CATSPERE: variants seen among roughly 807,000 people sequenced by gnomAD.
CATSPERE encodes the protein cation channel sperm-associated auxiliary subunit epsilon.
A neutral mutation model predicts 114.1 loss-of-function variants in CATSPERE; 93 were observed. That is an observed-to-expected ratio of 0.81 (90% confidence interval 0.69 to 0.97). The LOEUF (loss-of-function observed/expected upper bound fraction) is 0.97, where lower values mean the gene tolerates loss of function less well. CATSPERE is among the 50% of genes least tolerant of loss of function. The pLI is 0.00. For missense variants in CATSPERE, 1,058 were observed against 1,131.6 expected, an observed-to-expected ratio of 0.93 and a Z score of 0.93; for synonymous variants, 341 against 384.1, an observed-to-expected ratio of 0.89 and a Z score of 1.31.
At chr1:244,627,016 T>C (rs1005670501) in intron 20 of CATSPERE, among the ~76,000 whole-genome samples, 1 of 152,242 alleles carries the variant, frequency 6.6e-6, no homozygotes, top group African/African-American at 2.4e-5. Flanking sequence ...TCACTAAGCT[T>C]AATCATTTCT....
chr1:244,526,899 GC>G (rs1392014098), intron 8 of CATSPERE, among the ~76,000 whole-genome samples: 1 of 152,036 alleles, frequency 6.6e-6, no homozygotes, highest in African/African-American at 2.4e-5. Context: ...GTTCCGTGAT[GC>G]CCCCCAAGCC....
intron 20 of CATSPERE, among the ~76,000 whole-genome samples, chr1:244,634,070 C>G (rs185646142): frequency 1.3e-5 from 2 of 152,084 alleles, no homozygotes; most frequent in East Asian, 3.9e-4. Flanking sequence ...CACCATGTTG[C>G]CCAGGCTGGT....
At position 244,581,874 on chromosome 1, in the gene CATSPERE, G is replaced by A. The variant is rs779674170; in HGVS notation, c.2009+20G>A. 1 of 1,165,324 alleles carries A rather than the reference G, an allele frequency of 8.6e-7. No homozygotes were observed. The highest frequency in any genetic ancestry group is 2.2e-5 in the Admixed American group (1 of 45,252). The allele number at this position is 1,165,324 out of a possible 1,614,324, so 72.2% of individuals were successfully genotyped here. Reference sequence around the variant, plus strand: ...GACACAGTAAGTATAACTTTTAAAAGAACTTTCTCAGTATCAAATATGCTA... The same window carrying A: ...GACACAGTAAGTATAACTTTTAAAAAAACTTTCTCAGTATCAAATATGCTA... On this transcript the variant is annotated intron_variant, in intron 12 of 21. Transcript: ENST00000366534.
rs766720123 is a variant in CATSPERE at position 244,572,791 on chromosome 1, TTTC to T, written c.1950+23_1950+25del. 2.7e-6 allele frequency: 4 copies of T among 1,479,584 alleles called. No homozygotes were observed. The highest frequency in any genetic ancestry group is 3.6e-6 in the Non-Finnish European group (4 of 1,096,970). 91.7% of individuals were successfully genotyped at this position (1,479,584 alleles called of 1,614,324 possible). A position where few individuals can be genotyped will look rare whatever the true frequency, so the allele number is the denominator to read the frequency against. The stretch of plus-strand genomic sequence containing the variant: ...AACTCTGGTAAGCTAATATTTTAAA[TTTC>T]TTCATTTGATTTTAATAAGTATAAA... On this transcript the variant is annotated intron_variant, in intron 11 of 21. Coordinates refer to ENST00000366534, the MANE Select transcript of CATSPERE (RefSeq NM_001130957.2).
chr1:244,632,046 T>G (rs948438353), intron 20 of CATSPERE, among the ~76,000 whole-genome samples: 1 of 151,034 alleles, frequency 6.6e-6, no homozygotes, highest in Non-Finnish European at 1.5e-5. Context: ...CTAGCCTGGG[T>G]GATAGAGTGA....
chr1:244,634,900 A>C (rs1558632630), intron 20 of CATSPERE, among the ~76,000 whole-genome samples: 1 of 152,202 alleles, frequency 6.6e-6, no homozygotes, highest in Non-Finnish European at 1.5e-5. Flanking sequence ...GCTGGAGTGC[A>C]GCGGCGCAAT....
chr1:244,461,781 T>G (rs1040020310), intron 1 of CATSPERE, among the ~76,000 whole-genome samples: 20 of 152,150 alleles, frequency 1.3e-4, no homozygotes, highest in African/African-American at 4.8e-4. Flanking sequence ...TGAGCCCCAA[T>G]GAAATCTTAC....
Position 244,572,696 on chromosome 1 carries a change from C to A in CATSPERE, c.1874C>A (p.Ser625Tyr), listed in dbSNP as rs146874470. ...ACTGGTCTGTATGTTATTGTGGAAT[C>A]TTATGGCCCAAAAATATTACAAGAG... Reference protein sequence around the residue: ...ENTGLYVIVESYGPKILQESH... With the variant: ...ENTGLYVIVEYYGPKILQESH... Residue 625 changes from serine (S) to tyrosine (Y), a missense_variant, in exon 11 of 22, where the codon TCT becomes TAT. Transcript: ENST00000366534. The A allele has an allele frequency of 1.1e-4, 171 of 1,613,678 alleles. No homozygotes were observed. Among genetic ancestry groups the A allele is most frequent in the Non-Finnish European group, 1.4e-4 (163 of 1,179,906 alleles).
chr1:244,473,683 C>T (rs1303230159), intron 2 of CATSPERE, among the ~76,000 whole-genome samples: 2 of 151,972 alleles, frequency 1.3e-5, no homozygotes, highest in Non-Finnish European at 2.9e-5. Flanking sequence ...TTGGCAAACC[C>T]AAAGTCACCG....
At chr1:244,487,366 C>G (rs1671267563) in intron 5 of CATSPERE, among the ~76,000 whole-genome samples, 1 of 152,102 alleles carries the variant, frequency 6.6e-6, no homozygotes, top group African/African-American at 2.4e-5. Flanking sequence ...ACACATCATG[C>G]CCAGCCAGTG....
intron 8 of CATSPERE, among the ~76,000 whole-genome samples, chr1:244,529,221 G>A (rs1382496496): frequency 6.6e-6 from 1 of 152,080 alleles, no homozygotes; most frequent in Non-Finnish European, 1.5e-5. Flanking sequence ...TCATATGGTA[G>A]TTCTATTTTT....
intron 2 of CATSPERE, among the ~76,000 whole-genome samples, chr1:244,471,854 T>C (rs1034660123): frequency 1.3e-5 from 2 of 152,212 alleles, no homozygotes; most frequent in Non-Finnish European, 2.9e-5. Context: ...TGTACATATG[T>C]GGGGACATAT....
At chr1:244,456,953 G>C (rs1666216833), upstream of CATSPERE, among the ~76,000 whole-genome samples, 1 of 152,192 alleles carries the variant, frequency 6.6e-6, no homozygotes, top group African/African-American at 2.4e-5. Flanking sequence ...GTAAAAGATT[G>C]TAAGAAGGCA....
At chr1:244,462,678 G>A (rs1167212772) in intron 1 of CATSPERE, among the ~76,000 whole-genome samples, 1 of 152,082 alleles carries the variant, frequency 6.6e-6, no homozygotes, top group Non-Finnish European at 1.5e-5. Flanking sequence ...TTTATTTATA[G>A]GTATATGTAA....
chr1:244,633,819 CT>C lies in CATSPERE; in HGVS notation c.2649-1667del, dbSNP rs923486557. ...AACCTTTAGGACTCAACACAAGCCT[CT>C]TTGCCGTGCTGTGAAAATTCCTGTG... is the stretch of plus-strand genomic sequence containing the variant. On this transcript the variant is annotated intron_variant, in intron 20 of 21. Coordinates refer to ENST00000366534, the MANE Select transcript of CATSPERE (RefSeq NM_001130957.2). The surrounding 1 kb of genome is among the most constrained non-coding windows in gnomAD (Gnocchi z 4.1). Among the ~76,000 whole-genome samples, 25 of 151,976 alleles carry C rather than the reference CT, an allele frequency of 1.6e-4. No individual in the cohort carries two copies. Among genetic ancestry groups the C allele is most frequent in the African/African-American group, 5.6e-4 (23 of 41,374 alleles).
chr1:244,484,256 C>G (rs1449010777), intron 5 of CATSPERE, among the ~76,000 whole-genome samples: 1 of 152,122 alleles, frequency 6.6e-6, no homozygotes, highest in Admixed American at 6.5e-5. Flanking sequence ...CAACTCTTCC[C>G]AACTTGATTT....
chr1:244,617,987 G>T (rs750627765), intron 20 of CATSPERE, among the ~76,000 whole-genome samples: 3 of 152,170 alleles, frequency 2.0e-5, no homozygotes, highest in Non-Finnish European at 4.4e-5. Context: ...GCCTGGAGAA[G>T]GAGGAGTTGG....
intron 9 of CATSPERE, among the ~76,000 whole-genome samples, chr1:244,557,584 A>G (rs1407542521): frequency 2.9e-5 from 1 of 34,638 alleles, no homozygotes; most frequent in Non-Finnish European, 6.6e-5. Flanking sequence ...TATATATATA[A>G]AATCTCCCAG....
rs76291596 is a variant in CATSPERE at position 244,546,425 on chromosome 1, G to A, written c.537-5897G>A. On this transcript the variant is annotated intron_variant, in intron 8 of 21. Transcript: ENST00000366534. ...ATGCACAGATATCAATGCATGACCA[G>A]AAAGATCAAGAAAAATCAGGGAAAT... Among the ~76,000 whole-genome samples the A allele has an allele frequency of 8.1e-3, 1,233 of 152,256 alleles. 6 individuals carry two copies. Among genetic ancestry groups the A allele is most frequent in the Admixed American group, 0.013 (192 of 15,280 alleles).
Sources: gnomAD v4.1 joint callset for allele counts (sites outside exome capture counted in the v4.1 genomes callset) on GRCh38, gnomAD v4.1.1 for gene constraint, Gnocchi (gnomAD v3.1) non-coding constraint, MANE v1.5 for transcripts, NCBI Gene and HGNC (gene_info 2026-07-23, HGNC 2026-07-21) for gene names.